Variants in STAG1 observed in about 807,000 individuals in gnomAD.
STAG1 encodes the protein cohesin subunit SA-1.
STAG1 carries 26 observed loss-of-function variants against 170.9 expected under a neutral mutation model. That is an observed-to-expected ratio of 0.15 (90% CI 0.11 to 0.21). The LOEUF is 0.21. STAG1 is among the 10% of genes least tolerant of loss of function. STAG1 has a pLI of 1.00. For synonymous variants in STAG1, 514 were observed against 497.7 expected (o/e 1.03, Z -0.44); for missense variants, 964 against 1,509.5 (o/e 0.64, Z 5.99).
intron 1 of STAG1, among the ~76,000 whole-genome samples, chr3:136,690,214 A>G (rs981694414): frequency 6.6e-5 from 10 of 152,124 alleles, no homozygotes; most frequent in Admixed American, 2.6e-4. Context: ...TCCAGTGGAA[A>G]TAAGGAAACC....
At chr3:136,403,030 C>A (rs2087375074) in intron 21 of STAG1, among the ~76,000 whole-genome samples, 2 of 151,516 alleles carry the variant, frequency 1.3e-5, no homozygotes, top group South Asian at 4.2e-4. Context: ...GAGTTCTAGA[C>A]CAGCCTGGCC....
intron 4 of STAG1, among the ~76,000 whole-genome samples, chr3:136,585,077 T>C (rs1336164468): frequency 6.6e-6 from 1 of 152,216 alleles, no homozygotes; most frequent in Non-Finnish European, 1.5e-5. Flanking sequence ...GGAACAGCTA[T>C]AAATTTCATC....
At chr3:136,363,322 A>T (rs1023958066) in intron 26 of STAG1, 44 bp downstream of exon 26, 1 of 1,019,304 alleles carries the variant, frequency 9.8e-7, no homozygotes, top group Admixed American at 1.9e-5. Context: ...GAAGTGCAAT[A>T]ATGTTATTTC....
intron 4 of STAG1, among the ~76,000 whole-genome samples, chr3:136,587,676 C>A (rs762475816): frequency 6.6e-6 from 1 of 151,982 alleles, no homozygotes; most frequent in African/African-American, 2.4e-5. Flanking sequence ...TTAGCCAGGC[C>A]AGGCATGGTG....
At chr3:136,685,113 G>A (rs540323011) in intron 1 of STAG1, among the ~76,000 whole-genome samples, 11 of 152,202 alleles carry the variant, frequency 7.2e-5, no homozygotes, top group South Asian at 6.2e-4. Context: ...TGAGGAGTTC[G>A]AGAACAGCCT....
At position 136,340,608 on chromosome 3, in the gene STAG1, GGT is replaced by G; in HGVS notation, c.3558-5_3558-4del. The G allele has an allele frequency of 1.3e-6, 2 of 1,597,062 alleles. No individual in the cohort carries two copies. Among genetic ancestry groups the G allele is most frequent in the Non-Finnish European group, 1.7e-6 (2 of 1,164,648 alleles). On this transcript the variant is annotated splice_polypyrimidine_tract_variant and splice_region_variant and intron_variant, in intron 31 of 33. Transcript: ENST00000383202. Reference sequence around the variant, plus strand: ...CATCTTCCTCCATTAGACCCCGACTGGTAAGAAAAAGGTATTGTCAGAAAGCT... The same window carrying G: ...CATCTTCCTCCATTAGACCCCGACTGAAGAAAAAGGTATTGTCAGAAAGCT...
At chr3:136,723,360 G>C (rs952333268) in intron 1 of STAG1, among the ~76,000 whole-genome samples, 1 of 150,906 alleles carries the variant, frequency 6.6e-6, no homozygotes, top group African/African-American at 2.4e-5. Context: ...TCTGGGATGT[G>C]AGGAGCACCT....
intron 4 of STAG1, among the ~76,000 whole-genome samples, chr3:136,600,877 TTTGTTTTG>T (rs1938640234): frequency 4.1e-5 from 3 of 73,508 alleles, no homozygotes; most frequent in South Asian, 8.1e-4. Flanking sequence ...TTTGTTTTGT[TTTGTTTTG>T]TTTTGTTTTG....
In STAG1 at chr3:136,502,706, T is replaced by C. The variant is rs530859505; in HGVS notation, c.750A>G (p.Gln250=). ...LSIHQDNTQR[Q]YEAERNKMIG... ...TCATTTTATTTCTCTCGGCTTCATATTGTCTCTGGGTATTATCCTGATGAA... is the reference window on the plus strand; with the variant it reads ...TCATTTTATTTCTCTCGGCTTCATACTGTCTCTGGGTATTATCCTGATGAA... Residue 250 remains glutamine (Q), a synonymous_variant, in exon 8 of 34, where the codon CAA becomes CAG. Transcript: ENST00000383202. 9 of 1,614,006 alleles carry C rather than the reference T, an allele frequency of 5.6e-6. No individual in the cohort carries two copies. In the East Asian group the frequency reaches 8.9e-5, roughly 16 times the overall value.
intron 4 of STAG1, among the ~76,000 whole-genome samples, chr3:136,569,397 T>C (rs924292471): frequency 6.6e-6 from 1 of 150,772 alleles, no homozygotes. Flanking sequence ...TCTGATAAAA[T>C]TCTGTAGCCA....
chr3:136,414,138 T>C (rs1020726656), intron 21 of STAG1, among the ~76,000 whole-genome samples: 8 of 152,208 alleles, frequency 5.3e-5, no homozygotes, highest in African/African-American at 1.4e-4. Context: ...TTGTTGAAGG[T>C]TGGGGTGACT....
At chr3:136,454,393 T>C (rs1469975687) in intron 13 of STAG1, among the ~76,000 whole-genome samples, 1 of 151,116 alleles carries the variant, frequency 6.6e-6, no homozygotes, top group East Asian at 2.0e-4. Flanking sequence ...TTTATGTTTT[T>C]TTTGAGATGA....
chr3:136,597,917 G>A (rs1213174582), intron 4 of STAG1, among the ~76,000 whole-genome samples: 1 of 151,914 alleles, frequency 6.6e-6, no homozygotes, highest in Admixed American at 6.6e-5. Context: ...TGTAGGTTTG[G>A]GGGAGATAAC....
chr3:136,473,488 T>G (rs113732482), intron 11 of STAG1, 51 bp downstream of exon 11: 5 of 1,347,774 alleles, frequency 3.7e-6, no homozygotes, highest in Non-Finnish European at 4.2e-6. Flanking sequence ...TAGCTGTAAC[T>G]AGCATTTGTA....
Position 136,607,698 on chromosome 3 carries a change from C to T in STAG1, c.133-3225G>A, listed in dbSNP as rs142404379. On this transcript the variant is annotated intron_variant, in intron 3 of 33. Coordinates refer to ENST00000383202, the MANE Select transcript of STAG1 (RefSeq NM_005862.3). Reference sequence around the variant, plus strand: ...GATTACAGGCGTGAGCCACCGTGTCCGATGTAATTCAATACTGTTTTACTT... The same window carrying T: ...GATTACAGGCGTGAGCCACCGTGTCTGATGTAATTCAATACTGTTTTACTT... Among the ~76,000 whole-genome samples the T allele has an allele frequency of 9.8e-4, 149 of 152,334 alleles. 1 individual carries two copies. The highest frequency in any genetic ancestry group is 1.6e-3 in the African/African-American group (66 of 41,582).
chr3:136,550,180 G>A (rs1006326395), intron 5 of STAG1, among the ~76,000 whole-genome samples: 1 of 151,976 alleles, frequency 6.6e-6, no homozygotes, highest in Non-Finnish European at 1.5e-5. Flanking sequence ...CATCCTCATC[G>A]ATTATTTGGA....
At chr3:136,421,348 A>C (rs1286748795) in intron 19 of STAG1, among the ~76,000 whole-genome samples, 185 bp from the exon 20 acceptor site, 1 of 152,210 alleles carries the variant, frequency 6.6e-6, no homozygotes, top group Admixed American at 6.5e-5. Context: ...TAATTTCTGC[A>C]TTTTAAATAA....
intron 21 of STAG1, among the ~76,000 whole-genome samples, chr3:136,401,313 G>A (rs554875213): frequency 6.6e-6 from 1 of 152,186 alleles, no homozygotes; most frequent in African/African-American, 2.4e-5. Flanking sequence ...TCTCTTTTAC[G>A]TTGTAATCCT....
At chr3:136,548,059 C>T (rs541725097) in intron 5 of STAG1, among the ~76,000 whole-genome samples, 2 of 152,076 alleles carry the variant, frequency 1.3e-5, no homozygotes, top group African/African-American at 4.8e-5. Context: ...TCTGGGCTCT[C>T]TATTCTGTTA....
Sources: allele counts gnomAD v4.1 joint callset (sites outside exome capture counted in the v4.1 genomes callset), GRCh38; gene constraint gnomAD v4.1.1; transcripts MANE v1.5; gene names NCBI Gene and HGNC (gene_info 2026-07-23, HGNC 2026-07-21).